Variants in TRIM17 observed in about 807,000 individuals in gnomAD.
The protein encoded by TRIM17 is tripartite motif containing 17.
TRIM17 carries 27 observed loss-of-function variants against 35.8 expected under a neutral mutation model. That is an observed-to-expected ratio of 0.75 (90% CI 0.56 to 1.04). The LOEUF is 1.04. TRIM17 is among the 50% of genes least tolerant of loss of function. The pLI, the probability that TRIM17 is intolerant of heterozygous loss-of-function variation, is 0.00. For synonymous variants in TRIM17, 246 were observed against 252.6 expected (o/e 0.97, Z 0.25); for missense variants, 582 against 612.8 (o/e 0.95, Z 0.53).
In TRIM17 at chr1:228,408,598, A is replaced by G; in HGVS notation, c.1037T>C (p.Phe346Ser). The G allele has an allele frequency of 6.2e-7, 1 of 1,613,954 alleles. No homozygotes were observed. The highest frequency in any genetic ancestry group is 8.5e-7 in the Non-Finnish European group (1 of 1,180,018). The change falls in exon 7 of 7, where the codon TTC becomes TCC. Residue 346 changes from phenylalanine (F) to serine (S), a missense_variant. Physicochemically the swap from Phe to Ser is radical, Grantham distance 155. Transcript: ENST00000366698. The surrounding 1 kb of genome is among the most constrained non-coding windows in gnomAD (Gnocchi z 6.3). The stretch of plus-strand genomic sequence containing the variant: ...CTCCCAGTAGTGCCTCCCAGAGGAG[A>G]AGGCCGTCTGGCCCACAGCACAGGG... ...AYPCAVGQTA[F>S]SSGRHYWEVG...
rs374063435 is a variant in TRIM17 at position 228,408,356 on chromosome 1, C to G, written c.1279G>C (p.Gly427Arg). 2 of 1,614,084 alleles carry G rather than the reference C, an allele frequency of 1.2e-6. No homozygotes were observed. The highest frequency in any genetic ancestry group is 4.5e-5 in the East Asian group (2 of 44,884). The change falls in exon 7 of 7, where the codon GGG (glycine) becomes CGG (arginine). Residue 427 changes from glycine to arginine, a missense_variant. Physicochemically the swap from Gly to Arg is moderately radical, Grantham distance 125. Coordinates refer to ENST00000366698, the MANE Select transcript of TRIM17 (RefSeq NM_016102.4). This position sits in a 1 kb window ranked among gnomAD's most constrained non-coding sequence, Gnocchi z 6.3. ...HMGIFLDFEAGEVSFYSVSDG... is the reference protein window; with the variant it reads ...HMGIFLDFEAREVSFYSVSDG... ...CTTACACTGTAGAAGGACACTTCCC[C>G]GGCTTCGAAGTCCAGGAAGATGCCC...
Position 228,408,400 on chromosome 1 carries a change from A to C in TRIM17, c.1235T>G (p.Met412Arg), listed in dbSNP as rs61737801. 1.4e-5 allele frequency: 22 copies of C among 1,614,182 alleles called. No individual in the cohort carries two copies. In the African/African-American group the frequency reaches 2.8e-4, roughly 21 times the overall value. Residue 412 changes from methionine (M) to arginine (R), a missense_variant, in exon 7 of 7, where the codon ATG (methionine) becomes AGG (arginine). Transcript: ENST00000366698. The surrounding 1 kb of genome is among the most constrained non-coding windows in gnomAD (Gnocchi z 6.3). ...TFSALTPVML[M>R]EPPSHMGIFL... The stretch of plus-strand genomic sequence containing the variant: ...GATGCCCATGTGGCTGGGAGGCTCC[A>C]TCAGCATGACCGGGGTTAGGGCAGA...
rs1273164047 is a variant in TRIM17 at position 228,411,062 on chromosome 1, TCTC to T, written c.637_639del (p.Glu213del). ...ACGCTCTCCCGGAGCCTGCTGGCAG[TCTC>T]CTCTTCTTCCGTCTCCAGAGCCTGG... On this transcript the variant is annotated inframe_deletion, in exon 4 of 7. Transcript: ENST00000366698. The surrounding 1 kb of genome is among the most constrained non-coding windows in gnomAD (Gnocchi z 4.2). 5 of 1,613,756 alleles carry T rather than the reference TCTC, an allele frequency of 3.1e-6. No homozygotes were observed. Among genetic ancestry groups the T allele is most frequent in the Non-Finnish European group, 4.2e-6 (5 of 1,179,920 alleles).
Position 228,411,454 on chromosome 1 carries a change from C to T in TRIM17, c.526-278G>A, listed in dbSNP as rs141666865. Among the ~76,000 whole-genome samples the T allele has an allele frequency of 4.0e-4, 61 of 152,312 alleles. No individual in the cohort carries two copies. The highest frequency in any genetic ancestry group is 1.5e-3 in the African/African-American group (61 of 41,586). ...TCCACCCCCAGATAAGCCTCTTGGGCATGTTAAACAAAATTTATGGGTGGC... is the reference window on the plus strand; with the variant it reads ...TCCACCCCCAGATAAGCCTCTTGGGTATGTTAAACAAAATTTATGGGTGGC... On this transcript the variant is annotated intron_variant, in intron 3 of 6. Transcript: ENST00000366698. This position sits in a 1 kb window ranked among gnomAD's most constrained non-coding sequence, Gnocchi z 4.2.
At chr1:228,414,619 T>A (rs1209324298) in intron 2 of TRIM17, 25 bp downstream of exon 2, 1 of 1,593,780 alleles carries the variant, frequency 6.3e-7, no homozygotes. Flanking sequence ...CCCGGCCCCT[T>A]GACCTGGGCC....
In TRIM17 at chr1:228,410,856, CGTT is replaced by C; in HGVS notation, c.756+87_756+89del. 1.1e-6 allele frequency: 1 copy of C among 946,902 alleles called. No individual in the cohort carries two copies. Among genetic ancestry groups the C allele is most frequent in the South Asian group, 1.8e-5 (1 of 55,254 alleles). 58.7% of individuals were successfully genotyped at this position (946,902 alleles called of 1,614,324 possible). A position where few individuals can be genotyped will look rare whatever the true frequency, so the allele number is the denominator to read the frequency against. ...AGACTGGGAGCTAACAGCCCTTTCC[CGTT>C]GGCTGCCTCTTCCCCAAGCCCAGCG... On this transcript the variant is annotated intron_variant, in intron 4 of 6. Transcript: ENST00000366698. This position sits in a 1 kb window ranked among gnomAD's most constrained non-coding sequence, Gnocchi z 4.6.
At chr1:228,412,251 G>C (rs491670) in intron 3 of TRIM17, among the ~76,000 whole-genome samples, 42,051 of 151,848 alleles carry the variant, frequency 0.28, 9,642 homozygotes, top group African/African-American at 0.62. Flanking sequence ...CTTTTGATGT[G>C]AGAGGGCCAA....
In TRIM17 at chr1:228,408,613, A is replaced by C; in HGVS notation, c.1022T>G (p.Val341Gly). The change falls in exon 7 of 7, where the codon GTG (valine) becomes GGG (glycine). Residue 341 changes from valine to glycine, a missense_variant. Transcript: ENST00000366698. This position sits in a 1 kb window ranked among gnomAD's most constrained non-coding sequence, Gnocchi z 6.3. ...CCCAGAGGAGAAGGCCGTCTGGCCCACAGCACAGGGGTAAGCCACAAATCG... is the reference window on the plus strand; with the variant it reads ...CCCAGAGGAGAAGGCCGTCTGGCCCCCAGCACAGGGGTAAGCCACAAATCG... ...KDRFVAYPCA[V>G]GQTAFSSGRH... is the part of the protein sequence containing the mutation. The C allele has an allele frequency of 6.2e-7, 1 of 1,613,812 alleles. No homozygotes were observed. The highest frequency in any genetic ancestry group is 8.5e-7 in the Non-Finnish European group (1 of 1,180,018).
chr1:228,410,246 C>T lies in TRIM17; in HGVS notation c.756+700G>A, dbSNP rs1214721086. Among the ~76,000 whole-genome samples, 1 of 152,128 alleles carries T rather than the reference C, an allele frequency of 6.6e-6. No individual in the cohort carries two copies. The highest frequency in any genetic ancestry group is 2.4e-5 in the African/African-American group (1 of 41,416). ...GAGTCCTGGGACCACAGGCGCACGC[C>T]ACCATGCCCTGCTAATATTTTTAAG... On this transcript the variant is annotated intron_variant, in intron 4 of 6. Transcript: ENST00000366698. The surrounding 1 kb of genome is among the most constrained non-coding windows in gnomAD (Gnocchi z 4.6).
In TRIM17 at chr1:228,410,963, G is replaced by T. The variant is rs373523117; in HGVS notation, c.739C>A (p.Pro247Thr). ...TGGCTCACCTGCAGCATCTGGAGGG[G>T]CCCCTGTGTGCTCCGCTCCTCCAGC... Reference protein sequence around the residue: ...LQLEERSTQGPLQMLQDMKEP... With the variant: ...LQLEERSTQGTLQMLQDMKEP... Residue 247 changes from proline (P) to threonine (T), a missense_variant, in exon 4 of 7, where the codon CCC becomes ACC. Transcript: ENST00000366698. This position sits in a 1 kb window ranked among gnomAD's most constrained non-coding sequence, Gnocchi z 4.6. 6.3e-6 allele frequency: 10 copies of T among 1,582,968 alleles called. No individual in the cohort carries two copies. The South Asian group carries it at 8.0e-5, about 13-fold the overall frequency.
intron 2 of TRIM17, 55 bp downstream of exon 2, chr1:228,414,589 G>A (rs1016812520): frequency 6.7e-7 from 1 of 1,487,774 alleles, no homozygotes; most frequent in Non-Finnish European, 9.3e-7. Flanking sequence ...GGGTCACCTT[G>A]TCCCCCTGGA....
rs1657127538 is a variant in TRIM17, at chr1:228,416,392, T to G, written c.-42+147A>C. 3 of 985,842 alleles carry G rather than the reference T, an allele frequency of 3.0e-6. No individual in the cohort carries two copies. The African/African-American group carries it at 5.2e-5, about 17-fold the overall frequency. The allele number at this position is 985,842 out of a possible 1,614,324, so 61.1% of individuals were successfully genotyped here. A position where few individuals can be genotyped will look rare whatever the true frequency, so the allele number is the denominator to read the frequency against. ...TAGGGTCCCGGTAGAGTTACCTTGT[T>G]GAAGCGCGCTAGCCCCTCCAGGGAC... is the stretch of plus-strand genomic sequence containing the variant. On this transcript the variant is annotated intron_variant, in intron 1 of 6. Transcript: ENST00000366698.
rs1052744391 is a variant in TRIM17, at chr1:228,408,726, G to A, written c.909C>T (p.Ser303=). The A allele has an allele frequency of 7.5e-6, 12 of 1,602,914 alleles. No homozygotes were observed. Among genetic ancestry groups the A allele is most frequent in the East Asian group, 2.2e-5 (1 of 44,886 alleles). The change falls in exon 7 of 7, where the codon TCC becomes TCT. Residue 303 remains serine, a synonymous_variant. Transcript: ENST00000366698. This position sits in a 1 kb window ranked among gnomAD's most constrained non-coding sequence, Gnocchi z 6.3. ...FLEDVVPDAT[S]AYPYLLLYES... ...CATACAGGAGGAGGTAGGGGTACGC[G>A]GAGGTGGCATCAGGCACCACATCCT...
intron 3 of TRIM17, among the ~76,000 whole-genome samples, chr1:228,412,734 T>C (rs1656851361): frequency 6.6e-6 from 1 of 151,714 alleles, no homozygotes; most frequent in Admixed American, 6.6e-5. Context: ...TGCATCACTG[T>C]GCTCCAGCCT....
At chr1:228,409,002 A>G (rs1315667651) in intron 6 of TRIM17, 170 bp downstream of exon 6, 4 of 1,559,584 alleles carry the variant, frequency 2.6e-6, no homozygotes, top group Admixed American at 3.8e-5. Flanking sequence ...CCCATGAATT[A>G]GAACCACCAG....
Position 228,408,166 on chromosome 1 carries a change from A to AGCCAGGAGCAGT in TRIM17, c.*23_*34dup. The AGCCAGGAGCAGT allele has an allele frequency of 6.6e-7, 1 of 1,504,184 alleles. No homozygotes were observed. The highest frequency in any genetic ancestry group is 1.8e-4 in the Middle Eastern group (1 of 5,534). 93.2% of individuals were successfully genotyped at this position (1,504,184 alleles called of 1,614,324 possible). A position where few individuals can be genotyped will look rare whatever the true frequency, so the allele number is the denominator to read the frequency against. On this transcript the variant is annotated 3_prime_UTR_variant, in exon 7 of 7. Coordinates refer to ENST00000366698, the MANE Select transcript of TRIM17 (RefSeq NM_016102.4). This position sits in a 1 kb window ranked among gnomAD's most constrained non-coding sequence, Gnocchi z 6.3. Reference sequence around the variant, plus strand: ...AGCAGAAGGCCCACACCTTCTGCAGAGCCAGGAGCAGTGCCCGAGTCCCCC... The same window carrying AGCCAGGAGCAGT: ...AGCAGAAGGCCCACACCTTCTGCAGAGCCAGGAGCAGTGCCAGGAGCAGTGCCCGAGTCCCCC...
At chr1:228,415,758 C>T (rs1657082671) in intron 1 of TRIM17, 1 of 152,740 alleles carries the variant, frequency 6.5e-6, no homozygotes, top group Admixed American at 6.5e-5. Context: ...TGCATGTACG[C>T]ACAGACGAAC....
Position 228,409,429 on chromosome 1 carries a change from G to A in TRIM17, c.757-18C>T, listed in dbSNP as rs61827276. The A allele has an allele frequency of 0.075, 112,452 of 1,499,332 alleles. 4,715 individuals are homozygous for A. Among genetic ancestry groups the A allele is most frequent in the Middle Eastern group, 0.12 (459 of 3,990 alleles). The allele number at this position is 1,499,332 out of a possible 1,614,324, so 92.9% of individuals were successfully genotyped here. A position where few individuals can be genotyped will look rare whatever the true frequency, so the allele number is the denominator to read the frequency against. On this transcript the variant is annotated intron_variant, in intron 4 of 6. Coordinates refer to ENST00000366698, the MANE Select transcript of TRIM17 (RefSeq NM_016102.4). ...TTCATGTCCTGCAAAAGACAGGGAC[G>A]GAGGGTGGGGAGTGAGCCAAGCTCC...
At chr1:228,412,751 C>G (rs1476014765) in intron 3 of TRIM17, among the ~76,000 whole-genome samples, 1 of 151,926 alleles carries the variant, frequency 6.6e-6, no homozygotes, top group African/African-American at 2.4e-5. Flanking sequence ...GCCTGGGCCA[C>G]AGAGCGACTC....
Sources: gnomAD v4.1 joint callset for allele counts (sites outside exome capture counted in the v4.1 genomes callset) on GRCh38, gnomAD v4.1.1 for gene constraint, Gnocchi (gnomAD v3.1) non-coding constraint, MANE v1.5 for transcripts, NCBI Gene and HGNC (gene_info 2026-07-23, HGNC 2026-07-21) for gene names.